The following TASP1 variants were observed in gnomAD, a reference collection of about 807,000 sequenced individuals.
The protein encoded by TASP1 is taspase 1.
In TASP1, 16 loss-of-function variants were observed where a neutral mutation model predicts 56.6. The ratio of observed to expected loss-of-function variants is 0.28; its 90% confidence interval spans 0.19 to 0.43. The LOEUF is 0.43. Ranked by LOEUF, TASP1 falls within the 20% of genes least tolerant of loss-of-function variation. TASP1 has a pLI of 1.00. For synonymous variants in TASP1, 179 were observed against 184.2 expected, an observed-to-expected ratio of 0.97 and a Z score of 0.23; for missense variants, 393 against 511.6, an observed-to-expected ratio of 0.77 and a Z score of 2.24.
the TASP1 span, among the ~76,000 whole-genome samples, chr20:13,184,077 T>A: frequency 5.3e-5 from 8 of 151,552 alleles, no homozygotes. Context: ...TGTGGTAGTG[T>A]GGTACTGTAT....
In TASP1 at chr20:13,630,687, CAAAAAAAAAAA is replaced by C. The variant is rs33973259; in HGVS notation, c.-74-546_-74-536del. 7.6e-5 allele frequency among the ~76,000 whole-genome samples: 5 copies of C among 65,548 alleles called. No homozygotes were observed. In the Admixed American group the frequency reaches 8.1e-4, roughly 11 times the overall value. The allele number at this position is 65,548 out of a possible 152,430, so 43.0% of individuals were successfully genotyped here. A position where few individuals can be genotyped will look rare whatever the true frequency, so the allele number is the denominator to read the frequency against. On this transcript the variant is annotated intron_variant, in intron 1 of 13. Coordinates refer to ENST00000337743, the MANE Select transcript of TASP1 (RefSeq NM_017714.3). Reference sequence around the variant, plus strand: ...CTGGGCAACAAAGTAAGCTCTGTCTCAAAAAAAAAAAAAAAAAAAAAAAGGAGTCTCAAAAA... The same window carrying C: ...CTGGGCAACAAAGTAAGCTCTGTCTCAAAAAAAAAAAAGGAGTCTCAAAAA...
At chr20:13,318,529 T>C in the TASP1 span, among the ~76,000 whole-genome samples, 2 of 152,200 alleles carry the variant, frequency 1.3e-5, no homozygotes, top group African/African-American at 4.8e-5. Context: ...CAAAAAAACC[T>C]GCACACAGGT....
the TASP1 span, among the ~76,000 whole-genome samples, chr20:13,354,833 T>C: frequency 6.6e-6 from 1 of 152,050 alleles, no homozygotes; most frequent in African/African-American, 2.4e-5. Flanking sequence ...AAAGAAATTA[T>C]ATGTTTGAGT....
At chr20:13,240,496 G>T in the TASP1 span, among the ~76,000 whole-genome samples, 1 of 152,154 alleles carries the variant, frequency 6.6e-6, no homozygotes, top group South Asian at 2.1e-4. Flanking sequence ...GAGATAGGAA[G>T]GACTTTGGCA....
intron 1 of TASP1, among the ~76,000 whole-genome samples, chr20:13,635,104 C>A (rs1305943051): frequency 1.3e-5 from 2 of 152,070 alleles, no homozygotes; most frequent in East Asian, 3.8e-4. Context: ...ACACTAAATA[C>A]CACTGAATTG....
chr20:13,306,887 C>T, the TASP1 span, among the ~76,000 whole-genome samples: 1 of 152,302 alleles, frequency 6.6e-6, no homozygotes, highest in South Asian at 2.1e-4. Flanking sequence ...AGGACAGAAT[C>T]TCCTGTCAAG....
the TASP1 span, chr20:13,110,168 A>C: frequency 5.0e-6 from 8 of 1,613,708 alleles, no homozygotes; most frequent in Non-Finnish European, 6.8e-6. Context: ...CCAGCCTCGA[A>C]CCCGCAGAGC....
At chr20:13,507,711 C>T (rs1310204476) in intron 10 of TASP1, among the ~76,000 whole-genome samples, 1 of 152,082 alleles carries the variant, frequency 6.6e-6, no homozygotes, top group Admixed American at 6.6e-5. Context: ...ATGTTTTTCA[C>T]AGAAATAGAA....
intron 10 of TASP1, among the ~76,000 whole-genome samples, chr20:13,513,685 A>G (rs1020910819): frequency 6.6e-6 from 1 of 152,160 alleles, no homozygotes; most frequent in Non-Finnish European, 1.5e-5. Context: ...TTGTAGATTA[A>G]TAAGACAAAC....
the TASP1 span, among the ~76,000 whole-genome samples, chr20:13,137,747 A>T: frequency 6.6e-6 from 1 of 152,180 alleles, no homozygotes; most frequent in Admixed American, 6.5e-5. Flanking sequence ...AAACGAAGGG[A>T]ATCTCTCTAC....
At chr20:13,457,819 C>T (rs2043902622) in intron 11 of TASP1, among the ~76,000 whole-genome samples, 1 of 152,096 alleles carries the variant, frequency 6.6e-6, no homozygotes, top group African/African-American at 2.4e-5. Context: ...TGAATTATCA[C>T]ACTAATTTTA....
At chr20:13,164,783 T>A in the TASP1 span, 1 of 1,613,530 alleles carries the variant, frequency 6.2e-7, no homozygotes, top group Non-Finnish European at 8.5e-7. Context: ...AAATGGGTGA[T>A]CTCTTGCAAC....
At chr20:13,195,353 C>T in the TASP1 span, among the ~76,000 whole-genome samples, 2 of 152,166 alleles carry the variant, frequency 1.3e-5, no homozygotes, top group African/African-American at 2.4e-5. Flanking sequence ...CATCTATGTC[C>T]CTTTGCCCTG....
At chr20:13,405,342 T>C (rs182782775) in intron 13 of TASP1, among the ~76,000 whole-genome samples, 7 of 152,340 alleles carry the variant, frequency 4.6e-5, no homozygotes, top group African/African-American at 1.7e-4. Flanking sequence ...CCAAAATACA[T>C]ACATCAGGAG....
intron 13 of TASP1, among the ~76,000 whole-genome samples, chr20:13,395,908 A>G (rs552422502): frequency 2.6e-5 from 4 of 151,014 alleles, no homozygotes; most frequent in Non-Finnish European, 5.9e-5. Flanking sequence ...TCACCATGTT[A>G]GCCAGGATGG....
At chr20:13,252,460 C>T in the TASP1 span, among the ~76,000 whole-genome samples, 9 of 152,038 alleles carry the variant, frequency 5.9e-5, no homozygotes, top group South Asian at 2.1e-4. Flanking sequence ...TATAAAGGGG[C>T]GCCATCTTGG....
intron 6 of TASP1, among the ~76,000 whole-genome samples, chr20:13,574,214 C>T (rs957281772): frequency 6.6e-6 from 1 of 152,076 alleles, no homozygotes; most frequent in African/African-American, 2.4e-5. Flanking sequence ...ATTCTAGGTG[C>T]ATCTGTTATA....
chr20:13,307,694 G>A, the TASP1 span, among the ~76,000 whole-genome samples: 2 of 152,178 alleles, frequency 1.3e-5, no homozygotes, highest in Admixed American at 6.5e-5. Flanking sequence ...TACAGCACCC[G>A]CTCTGTGAGG....
chr20:13,265,702 G>A, the TASP1 span, among the ~76,000 whole-genome samples: 20 of 152,058 alleles, frequency 1.3e-4, no homozygotes, highest in Admixed American at 4.6e-4. Flanking sequence ...AAGTAATGGC[G>A]GTTTTTGCCA....
Sources: allele counts gnomAD v4.1 joint callset (sites outside exome capture counted in the v4.1 genomes callset), GRCh38; gene constraint gnomAD v4.1.1; transcripts MANE v1.5; gene names NCBI Gene and HGNC (gene_info 2026-07-23, HGNC 2026-07-21).